Variants in EHMT1 observed in about 807,000 individuals in gnomAD.
The protein encoded by EHMT1 is histone-lysine N-methyltransferase EHMT1.
Under a neutral mutation model 147.2 loss-of-function variants are expected in EHMT1, and 15 were observed. That is an observed-to-expected ratio of 0.10 (90% confidence interval 0.07 to 0.16). The LOEUF (loss-of-function observed/expected upper bound fraction) is 0.16. Ranked by LOEUF, EHMT1 falls within the 10% of genes least tolerant of loss-of-function variation. EHMT1 has a pLI of 1.00. For missense variants in EHMT1, 1,587 were observed against 1,772.4 expected, an observed-to-expected ratio of 0.90 and a Z score of 1.88; for synonymous variants, 795 against 709.6, an observed-to-expected ratio of 1.12 and a Z score of -1.91.
chr9:137,728,364 G>A lies in EHMT1; in HGVS notation c.658G>A (p.Asp220Asn), dbSNP rs1234878839. Residue 220 changes from aspartate (D) to asparagine (N), a missense_variant, in exon 4 of 27, where the codon GAT becomes AAT. Coordinates refer to ENST00000460843, the MANE Select transcript of EHMT1 (RefSeq NM_024757.5). ...TGTTTTGAAGCATGCAGCCAGTAAAGATCCCAGAGAAGTTCGAGAAGCTAG... is the reference window on the plus strand; with the variant it reads ...TGTTTTGAAGCATGCAGCCAGTAAAAATCCCAGAGAAGTTCGAGAAGCTAG... ...SVVGLHAASKDPREVREARDH... is the reference protein window; with the variant it reads ...SVVGLHAASKNPREVREARDH... 1.2e-6 allele frequency: 2 copies of A among 1,614,200 alleles called. No homozygotes were observed. Among genetic ancestry groups the A allele is most frequent in the South Asian group, 1.1e-5 (1 of 91,080 alleles).
At chr9:137,767,534 A>G (rs1950293136) in intron 10 of EHMT1, among the ~76,000 whole-genome samples, 3 of 152,180 alleles carry the variant, frequency 2.0e-5, no homozygotes, top group Admixed American at 2.0e-4. Flanking sequence ...ATCTGAGAGC[A>G]GGGTGAGGTG....
intron 19 of EHMT1, 85 bp downstream of exon 19, chr9:137,811,700 A>G: frequency 6.4e-7 from 1 of 1,570,296 alleles, no homozygotes. Context: ...TTGTGTTCAC[A>G]CTTGGGGCGT....
chr9:137,795,431 T>TACACA (rs1952845089), intron 16 of EHMT1, among the ~76,000 whole-genome samples: 3 of 7,332 alleles, frequency 4.1e-4, no homozygotes, highest in South Asian at 0.02. Flanking sequence ...ACACACACTC[T>TACACA]CACACTCACA....
chr9:137,817,822 A>G (rs1449333802), intron 24 of EHMT1: 7 of 624,384 alleles, frequency 1.1e-5, no homozygotes, highest in Non-Finnish European at 2.0e-5. Flanking sequence ...GGGGAGGACC[A>G]TTCTGGGTTC....
Position 137,787,964 on chromosome 9 carries a change from G to C in EHMT1, c.2383-2884G>C. 6.7e-7 allele frequency: 1 copy of C among 1,493,192 alleles called. No homozygotes were observed. The highest frequency in any genetic ancestry group is 1.4e-5 in the African/African-American group (1 of 72,684). The allele number at this position is 1,493,192 out of a possible 1,614,324, so 92.5% of individuals were successfully genotyped here. A position where few individuals can be genotyped will look rare whatever the true frequency, so the allele number is the denominator to read the frequency against. ...AGAGGGAGGCCCTGTGTCCCCCACT[G>C]GACAGCCCCCCAGGAACTGAGGTGC... On this transcript the variant is annotated intron_variant, in intron 15 of 26. Coordinates refer to ENST00000460843, the MANE Select transcript of EHMT1 (RefSeq NM_024757.5). This position sits in a 1 kb window ranked among gnomAD's most constrained non-coding sequence, Gnocchi z 4.2.
At chr9:137,705,324 G>A (rs993839375) in intron 1 of EHMT1, among the ~76,000 whole-genome samples, 34 of 152,202 alleles carry the variant, frequency 2.2e-4, no homozygotes, top group Admixed American at 2.2e-3. Flanking sequence ...TTGAAAGTTG[G>A]ACATGAAATC....
chr9:137,637,361 G>C (rs980960272), intron 1 of EHMT1: 2 of 152,314 alleles, frequency 1.3e-5, no homozygotes, highest in African/African-American at 4.8e-5. Flanking sequence ...TTTTAGTAGA[G>C]ATGGGATTTT....
At chr9:137,643,594 C>T (rs1476614940) in intron 1 of EHMT1, among the ~76,000 whole-genome samples, 1 of 151,878 alleles carries the variant, frequency 6.6e-6, no homozygotes, top group Non-Finnish European at 1.5e-5. Flanking sequence ...GTGATCTGCC[C>T]ACCTTGGCCT....
At chr9:137,781,156 CGCTGAGACGTGTGGTGAT>C in intron 14 of EHMT1, among the ~76,000 whole-genome samples, 2 of 65,508 alleles carry the variant, frequency 3.1e-5, no homozygotes, top group African/African-American at 1.9e-4. Flanking sequence ...GTGGTGATGA[CGCTGAGACGTGTGGTGAT>C]GACGCTGGGA....
rs564772599 is a variant in EHMT1, at chr9:137,685,532, C to T, written c.22-25435C>T. Among the ~76,000 whole-genome samples, 168 of 152,288 alleles carry T rather than the reference C, an allele frequency of 1.1e-3. 2 individuals carry two copies. Among genetic ancestry groups the T allele is most frequent in the Non-Finnish European group, 1.5e-3 (101 of 68,030 alleles). On this transcript the variant is annotated intron_variant, in intron 1 of 26. Transcript: ENST00000460843. ...CTGGCTCTTGTGAATAATGCTGCTTCGAACATGTATATGCGAGTATCTGTT... is the reference window on the plus strand; with the variant it reads ...CTGGCTCTTGTGAATAATGCTGCTTTGAACATGTATATGCGAGTATCTGTT...
At chr9:137,712,798 TTCC>T (rs1944863787) in intron 2 of EHMT1, among the ~76,000 whole-genome samples, 1 of 152,214 alleles carries the variant, frequency 6.6e-6, no homozygotes, top group African/African-American at 2.4e-5. Context: ...ACCTGTTTTT[TTCC>T]TCCTTTTAGT....
At chr9:137,720,216 C>G (rs1034377958) in intron 3 of EHMT1, among the ~76,000 whole-genome samples, 6 of 152,280 alleles carry the variant, frequency 3.9e-5, no homozygotes, top group African/African-American at 1.2e-4. Flanking sequence ...CCCCCCACAC[C>G]AGGGTCCCTG....
chr9:137,675,592 T>A (rs1418609413), intron 1 of EHMT1, among the ~76,000 whole-genome samples: 1 of 149,382 alleles, frequency 6.7e-6, no homozygotes, highest in Non-Finnish European at 1.5e-5. Flanking sequence ...GCCTCCCGAG[T>A]AGCTGGGACT....
intron 1 of EHMT1, among the ~76,000 whole-genome samples, chr9:137,689,668 A>G (rs747818951): frequency 2.0e-5 from 3 of 152,152 alleles, no homozygotes; most frequent in Non-Finnish European, 2.9e-5. Flanking sequence ...GCGCCACTGC[A>G]CTCCAGTCTG....
At chr9:137,796,255 AC>A (rs1952935532) in intron 16 of EHMT1, among the ~76,000 whole-genome samples, 1 of 152,262 alleles carries the variant, frequency 6.6e-6, no homozygotes, top group Admixed American at 6.5e-5. Context: ...CTTTTAAGAC[AC>A]AAAAAAGCAC....
At chr9:137,713,178 C>T (rs989018874) in intron 2 of EHMT1, among the ~76,000 whole-genome samples, 1 of 152,032 alleles carries the variant, frequency 6.6e-6, no homozygotes, top group African/African-American at 2.4e-5. Flanking sequence ...TTACTCTAGC[C>T]TCCATCTCCC....
intron 9 of EHMT1, among the ~76,000 whole-genome samples, chr9:137,758,430 T>C (rs962955148): frequency 3.9e-5 from 6 of 152,268 alleles, no homozygotes; most frequent in African/African-American, 1.2e-4. Context: ...ACATACGTTC[T>C]GTAATGGAAT....
chr9:137,778,169 C>G, intron 13 of EHMT1, 114 bp downstream of exon 13: 1 of 1,299,112 alleles, frequency 7.7e-7, no homozygotes, highest in Non-Finnish European at 1.1e-6. Context: ...TAATGCTGTT[C>G]GTTAGAATAA....
intron 1 of EHMT1, among the ~76,000 whole-genome samples, chr9:137,647,909 A>G (rs1266480732): frequency 1.3e-5 from 2 of 152,022 alleles, no homozygotes; most frequent in African/African-American, 4.8e-5. Context: ...ATCTGTGGAC[A>G]CTTGCTCTCG....
Sources: allele counts gnomAD v4.1 joint callset (sites outside exome capture counted in the v4.1 genomes callset), GRCh38; gene constraint gnomAD v4.1.1; non-coding constraint Gnocchi (gnomAD v3.1); transcripts MANE v1.5; gene names NCBI Gene and HGNC (gene_info 2026-07-23, HGNC 2026-07-21).